Variants in PACSIN2 observed in about 807,000 individuals in gnomAD.
PACSIN2 encodes the protein protein kinase C and casein kinase substrate in neurons 2, also known as protein kinase C and casein kinase substrate in neurons protein 2.
Under a neutral mutation model 63.8 loss-of-function variants are expected in PACSIN2, and 25 were observed. That is an observed-to-expected ratio of 0.39 (90% CI 0.29 to 0.55). The LOEUF (loss-of-function observed/expected upper bound fraction) is 0.55. Among genes scored for constraint, PACSIN2 ranks in the 20% least tolerant of loss-of-function variants. The pLI is 0.62. For synonymous variants in PACSIN2, 255 were observed against 256.2 expected (o/e 1.00, Z 0.05); for missense variants, 518 against 646.9 (o/e 0.80, Z 2.16).
intron 1 of PACSIN2, among the ~76,000 whole-genome samples, chr22:43,003,333 G>A (rs918347626): frequency 4.6e-5 from 7 of 152,244 alleles, no homozygotes; most frequent in Admixed American, 1.3e-4. Flanking sequence ...TCGGCTGGGC[G>A]CGGTGGCTCA....
intron 1 of PACSIN2, among the ~76,000 whole-genome samples, chr22:42,924,062 ATCCTGGAGAATACCCGACTTTGTT>A (rs1487772778): frequency 2.0e-5 from 3 of 151,158 alleles, no homozygotes; most frequent in Non-Finnish European, 3.0e-5. Flanking sequence ...AAAAAAAAAA[ATCCTGGAGAATACCCGACTTTGTT>A]TCATGAATGG....
intron 1 of PACSIN2, among the ~76,000 whole-genome samples, chr22:42,919,784 AAAAAAAAAAAAAAG>A (rs1166133375): frequency 2.1e-5 from 3 of 139,846 alleles, no homozygotes; most frequent in South Asian, 2.2e-4. Flanking sequence ...AAAAAAAAAA[AAAAAAAAAAAAAAG>A]AAAGAAAGAA....
chr22:42,975,854 T>C (rs896159644), intron 1 of PACSIN2, among the ~76,000 whole-genome samples: 28 of 152,170 alleles, frequency 1.8e-4, no homozygotes, highest in Admixed American at 5.2e-4. Flanking sequence ...TTTTAAGTTA[T>C]CTAAGAAAAC....
intron 1 of PACSIN2, among the ~76,000 whole-genome samples, chr22:42,972,346 G>A (rs959629064): frequency 6.6e-6 from 1 of 152,134 alleles, no homozygotes; most frequent in Non-Finnish European, 1.5e-5. Context: ...CTAAGCTCCA[G>A]TACCCAGGGA....
intron 1 of PACSIN2, among the ~76,000 whole-genome samples, chr22:42,929,079 T>A (rs1178302953): frequency 1.3e-5 from 2 of 152,210 alleles, no homozygotes; most frequent in African/African-American, 4.8e-5. Flanking sequence ...GTATGTGCAG[T>A]GAGCATGGCT....
At chr22:43,009,573 T>C (rs951123220) in intron 1 of PACSIN2, among the ~76,000 whole-genome samples, 4 of 152,214 alleles carry the variant, frequency 2.6e-5, no homozygotes, top group African/African-American at 4.8e-5. Context: ...TTTACAAATA[T>C]GAAAACTGAG....
intron 1 of PACSIN2, among the ~76,000 whole-genome samples, chr22:42,981,983 C>T (rs1434252042): frequency 3.9e-5 from 4 of 101,712 alleles, no homozygotes; most frequent in African/African-American, 1.2e-4. Context: ...CCAGCCGCCC[C>T]GTCCGGGAGG....
chr22:42,951,932 C>A (rs899946358), intron 1 of PACSIN2, among the ~76,000 whole-genome samples: 2 of 152,184 alleles, frequency 1.3e-5, no homozygotes, highest in Non-Finnish European at 2.9e-5. Context: ...TACCTTTGCA[C>A]CTGCCTCCCC....
At chr22:42,937,532 C>T (rs1569297357) in intron 1 of PACSIN2, among the ~76,000 whole-genome samples, 1 of 152,162 alleles carries the variant, frequency 6.6e-6, no homozygotes, top group South Asian at 2.1e-4. Flanking sequence ...TGTCCCGGCT[C>T]GATCACCAAG....
intron 1 of PACSIN2, among the ~76,000 whole-genome samples, chr22:42,965,952 T>C (rs1920950695): frequency 6.6e-6 from 1 of 151,506 alleles, no homozygotes; most frequent in African/African-American, 2.4e-5. Context: ...TAATCATAAA[T>C]AAATTATGTG....
At chr22:42,890,429 T>C (rs1286106429) in intron 4 of PACSIN2, among the ~76,000 whole-genome samples, 1 of 152,158 alleles carries the variant, frequency 6.6e-6, no homozygotes, top group East Asian at 1.9e-4. Flanking sequence ...CTGTAAAATG[T>C]GTTGGTAGGA....
intron 8 of PACSIN2, 44 bp from the exon 9 acceptor site, chr22:42,877,054 G>A: frequency 6.2e-7 from 1 of 1,607,018 alleles, no homozygotes; most frequent in South Asian, 1.1e-5. Context: ...CTCTGCAGGG[G>A]CCCGTGAGGG....
chr22:42,884,626 C>G (rs1227412891), intron 5 of PACSIN2, 65 bp from the exon 6 acceptor site: 1 of 1,367,268 alleles, frequency 7.3e-7, no homozygotes, highest in African/African-American at 1.4e-5. Flanking sequence ...CACCCTGCCC[C>G]TGGAGTGTCT....
chr22:42,884,867 C>T (rs969627392), intron 5 of PACSIN2, among the ~76,000 whole-genome samples: 1 of 152,224 alleles, frequency 6.6e-6, no homozygotes, highest in Admixed American at 6.5e-5. Context: ...TCCTCTTCTC[C>T]CTGTGGGGAA....
chr22:42,946,145 T>G (rs920599276), intron 1 of PACSIN2, among the ~76,000 whole-genome samples: 1 of 152,220 alleles, frequency 6.6e-6, no homozygotes, highest in African/African-American at 2.4e-5. Flanking sequence ...CATAGCCAAA[T>G]AGTTTCAAAA....
intron 1 of PACSIN2, among the ~76,000 whole-genome samples, chr22:42,995,366 C>T (rs990696548): frequency 2.0e-5 from 3 of 152,198 alleles, no homozygotes; most frequent in African/African-American, 7.2e-5. Context: ...CGGCAGCTTG[C>T]AAACCTCCAG....
At chr22:42,912,813 C>G (rs1931550608) in intron 1 of PACSIN2, among the ~76,000 whole-genome samples, 1 of 152,208 alleles carries the variant, frequency 6.6e-6, no homozygotes, top group Non-Finnish European at 1.5e-5. Flanking sequence ...AACTGTCTGA[C>G]TTTTTGGTAA....
intron 2 of PACSIN2, among the ~76,000 whole-genome samples, chr22:42,910,309 A>T (rs2146717081): frequency 6.6e-6 from 1 of 152,268 alleles, no homozygotes; most frequent in East Asian, 1.9e-4. Flanking sequence ...GCTCCCCATA[A>T]CTGGAAAGGT....
At chr22:42,892,924 A>G (rs1001617250) in intron 3 of PACSIN2, among the ~76,000 whole-genome samples, 1 of 152,208 alleles carries the variant, frequency 6.6e-6, no homozygotes, top group African/African-American at 2.4e-5. Flanking sequence ...GCCCCTGTCC[A>G]CACAACAGTG....
Sources: allele counts gnomAD v4.1 joint callset (sites outside exome capture counted in the v4.1 genomes callset), GRCh38; gene constraint gnomAD v4.1.1; transcripts MANE v1.5; gene names NCBI Gene and HGNC (gene_info 2026-07-23, HGNC 2026-07-21).